IGSF11: variants seen among roughly 807,000 people sequenced by gnomAD.
IGSF11 encodes the protein immunoglobulin superfamily member 11, also known as CXADR like 1.
IGSF11 carries 22 observed loss-of-function variants against 41.0 expected under a neutral mutation model. That is an observed-to-expected ratio of 0.54 (90% CI 0.38 to 0.77). The LOEUF is 0.77. Ranked by LOEUF, IGSF11 falls within the 30% of genes least tolerant of loss-of-function variation. IGSF11 has a pLI of 0.00. For synonymous variants in IGSF11, 219 were observed against 201.3 expected, an observed-to-expected ratio of 1.09 and a Z score of -0.74; for missense variants, 444 against 530.8, an observed-to-expected ratio of 0.84 and a Z score of 1.61.
rs145801756 is a variant in IGSF11, at chr3:119,136,296, A to C, written c.-14+9517T>G. Reference sequence around the variant, plus strand: ...ACAACCAGAAAATAAATAACAAAACAGCAGGAATCAGTTCTTGTTTATCAA... The same window carrying C: ...ACAACCAGAAAATAAATAACAAAACCGCAGGAATCAGTTCTTGTTTATCAA... On this transcript the variant is annotated intron_variant, in intron 1 of 7. Transcript: ENST00000425327. 6.4e-3 allele frequency among the ~76,000 whole-genome samples: 979 copies of C among 152,286 alleles called. 5 individuals are homozygous for C. The highest frequency in any genetic ancestry group is 9.5e-3 in the Non-Finnish European group (649 of 68,030).
intron 1 of IGSF11, among the ~76,000 whole-genome samples, chr3:119,010,104 T>C (rs143849374): frequency 9.8e-5 from 15 of 152,340 alleles, no homozygotes; most frequent in African/African-American, 2.6e-4. Context: ...AGTCATCCTA[T>C]TGGCCTCCTT....
At chr3:119,010,972 C>T (rs1938047284) in intron 1 of IGSF11, among the ~76,000 whole-genome samples, 1 of 152,166 alleles carries the variant, frequency 6.6e-6, no homozygotes, top group Non-Finnish European at 1.5e-5. Context: ...TCAATTCATT[C>T]CTCCTACTTA....
chr3:118,913,664 TTACTA>T (rs139913004), intron 4 of IGSF11, among the ~76,000 whole-genome samples: 1 of 152,204 alleles, frequency 6.6e-6, no homozygotes, highest in African/African-American at 2.4e-5. Flanking sequence ...TGTGTGTACT[TTACTA>T]TAAGAAAATG....
chr3:118,951,080 T>G (rs1270995204), intron 1 of IGSF11, among the ~76,000 whole-genome samples: 2 of 152,206 alleles, frequency 1.3e-5, no homozygotes, highest in Non-Finnish European at 2.9e-5. Flanking sequence ...GTCCTGTATC[T>G]GCACCACCCA....
At chr3:119,009,851 G>C (rs1937891745) in intron 1 of IGSF11, among the ~76,000 whole-genome samples, 1 of 152,022 alleles carries the variant, frequency 6.6e-6, no homozygotes. Context: ...GGTACTATAA[G>C]GAACGTAACA....
intron 4 of IGSF11, among the ~76,000 whole-genome samples, chr3:118,913,190 G>A (rs904042793): frequency 6.6e-6 from 1 of 150,896 alleles, no homozygotes; most frequent in Non-Finnish European, 1.5e-5. Context: ...AAAAAAACAT[G>A]GTTTACAGAA....
chr3:118,925,174 C>T (rs919173483), intron 4 of IGSF11, among the ~76,000 whole-genome samples: 2 of 152,040 alleles, frequency 1.3e-5, no homozygotes, highest in Non-Finnish European at 2.9e-5. Flanking sequence ...GGATTACTAG[C>T]GGAAATTTAT....
intron 1 of IGSF11, among the ~76,000 whole-genome samples, chr3:119,011,341 G>A (rs1938091608): frequency 6.6e-6 from 1 of 152,106 alleles, no homozygotes; most frequent in African/African-American, 2.4e-5. Flanking sequence ...GGAAAACCAT[G>A]GAAAAGAGAG....
chr3:118,949,050 A>C (rs2107577818), intron 1 of IGSF11, among the ~76,000 whole-genome samples: 1 of 152,066 alleles, frequency 6.6e-6, no homozygotes, highest in South Asian at 2.1e-4. Flanking sequence ...GAAGGCAAAG[A>C]CATCCTGATA....
chr3:118,954,824 C>T (rs868472985), intron 1 of IGSF11, among the ~76,000 whole-genome samples: 19 of 152,046 alleles, frequency 1.2e-4, no homozygotes, highest in African/African-American at 4.6e-4. Context: ...TGGGTAAATG[C>T]TATCAAATGG....
intron 1 of IGSF11, among the ~76,000 whole-genome samples, chr3:118,965,722 T>C (rs1190572011): frequency 6.6e-6 from 1 of 152,134 alleles, no homozygotes; most frequent in Non-Finnish European, 1.5e-5. Flanking sequence ...GAGCTCTCAG[T>C]GCGAAGCATT....
chr3:119,014,537 AAAGAAG>A lies in IGSF11; in HGVS notation c.52+19988_52+19993del, dbSNP rs1186607883. On this transcript the variant is annotated intron_variant, in intron 1 of 6. Transcript: ENST00000393775. ...CCAAGAAGAGATGATTTTTGACCCT[AAAGAAG>A]TTAAAATTAGTTTGAATAAGACAGA... Among the ~76,000 whole-genome samples the A allele has an allele frequency of 5.3e-5, 8 of 152,358 alleles. No homozygotes were observed. In the East Asian group the frequency reaches 1.5e-3, roughly 29 times the overall value.
At chr3:119,072,814 G>T (rs1216262960) in intron 1 of IGSF11, among the ~76,000 whole-genome samples, 1 of 152,134 alleles carries the variant, frequency 6.6e-6, no homozygotes, top group African/African-American at 2.4e-5. Context: ...GTGTGGAAGG[G>T]GACCCGAGCA....
At chr3:119,132,851 A>G (rs1044440041) in intron 1 of IGSF11, among the ~76,000 whole-genome samples, 2 of 152,336 alleles carry the variant, frequency 1.3e-5, no homozygotes, top group African/African-American at 4.8e-5. Context: ...AAAAATGGAA[A>G]TCACAACAAA....
At chr3:118,942,813 A>G (rs927923997) in intron 1 of IGSF11, among the ~76,000 whole-genome samples, 6 of 152,160 alleles carry the variant, frequency 3.9e-5, no homozygotes, top group African/African-American at 1.4e-4. Flanking sequence ...CTGAAGACCA[A>G]CAGGCTTCCT....
chr3:119,106,833 C>T (rs1398944290), upstream of IGSF11, among the ~76,000 whole-genome samples: 3 of 151,788 alleles, frequency 2.0e-5, no homozygotes, highest in Admixed American at 6.6e-5. Flanking sequence ...TGAGAACATG[C>T]AGTGTTTGGT....
At chr3:118,924,158 A>G (rs949466501) in intron 4 of IGSF11, among the ~76,000 whole-genome samples, 1 of 152,054 alleles carries the variant, frequency 6.6e-6, no homozygotes, top group Non-Finnish European at 1.5e-5. Flanking sequence ...ATTTTATTCT[A>G]TGGACTATAT....
At chr3:118,940,842 C>A (rs1444977542) in intron 1 of IGSF11, among the ~76,000 whole-genome samples, 1 of 146,446 alleles carries the variant, frequency 6.8e-6, no homozygotes, top group African/African-American at 2.5e-5. Flanking sequence ...TTGTCAAAGC[C>A]ATTCAGGGGG....
At chr3:119,014,173 T>C (rs1364642477) in intron 1 of IGSF11, among the ~76,000 whole-genome samples, 1 of 152,154 alleles carries the variant, frequency 6.6e-6, no homozygotes, top group Non-Finnish European at 1.5e-5. Context: ...TTTAGGAAGT[T>C]AGGATAATCA....
Sources: allele counts gnomAD v4.1 joint callset (sites outside exome capture counted in the v4.1 genomes callset), GRCh38; gene constraint gnomAD v4.1.1; transcripts MANE v1.5; gene names NCBI Gene and HGNC (gene_info 2026-07-23, HGNC 2026-07-21).